Variants in PIK3C3 observed in about 807,000 individuals in gnomAD.
PIK3C3 encodes the protein phosphatidylinositol 3-kinase catalytic subunit type 3, also known as PI3-kinase type 3.
PIK3C3 carries 95 observed loss-of-function variants against 126.1 expected under a neutral mutation model. The ratio of observed to expected loss-of-function variants is 0.75; its 90% CI spans 0.64 to 0.89. The LOEUF is 0.89. Among genes scored for constraint, PIK3C3 ranks in the 40% least tolerant of loss-of-function variants. The probability of loss-of-function intolerance (pLI) is 0.00; values close to 1 mark genes in which losing one functional copy is unlikely to be tolerated. For synonymous variants in PIK3C3, 374 were observed against 360.0 expected (o/e 1.04, Z -0.44); for missense variants, 829 against 1,063.2 (o/e 0.78, Z 3.06).
chr18:41,989,816 T>C (rs972243604), intron 5 of PIK3C3, among the ~76,000 whole-genome samples: 1 of 152,224 alleles, frequency 6.6e-6, no homozygotes, highest in Admixed American at 6.5e-5. Flanking sequence ...GTGACCATGT[T>C]TGCTTTTTTA....
At chr18:41,975,883 G>A (rs1980897058) in intron 4 of PIK3C3, among the ~76,000 whole-genome samples, 1 of 152,034 alleles carries the variant, frequency 6.6e-6, no homozygotes, top group South Asian at 2.1e-4. Context: ...TGTATTTTTA[G>A]TAGAAATGGG....
Position 42,031,545 on chromosome 18 carries a change from C to T in PIK3C3, c.1707+2104C>T, listed in dbSNP as rs1864927765. On this transcript the variant is annotated intron_variant, in intron 15 of 24. Coordinates refer to ENST00000262039, the MANE Select transcript of PIK3C3 (RefSeq NM_002647.4). The stretch of plus-strand genomic sequence containing the variant: ...CTTCAAGCAATTAACCTGCCTCAGC[C>T]TCCCAGGCAGCTGGGACTGCAGGCG... Among the ~76,000 whole-genome samples the T allele has an allele frequency of 2.0e-5, 3 of 152,134 alleles. No homozygotes were observed. In the South Asian group the frequency reaches 6.2e-4, roughly 32 times the overall value.
At chr18:42,063,673 G>C (rs1240709366) in intron 22 of PIK3C3, among the ~76,000 whole-genome samples, 1 of 152,120 alleles carries the variant, frequency 6.6e-6, no homozygotes, top group South Asian at 2.1e-4. Flanking sequence ...TTCTATAAAA[G>C]TTCCATTATC....
intron 10 of PIK3C3, among the ~76,000 whole-genome samples, chr18:42,011,143 T>C (rs898426986): frequency 6.6e-6 from 1 of 152,200 alleles, no homozygotes; most frequent in Admixed American, 6.5e-5. Flanking sequence ...GCAATGTAGA[T>C]GTAGCGTAAT....
chr18:42,014,844 A>G (rs1982997176), intron 11 of PIK3C3, among the ~76,000 whole-genome samples: 1 of 152,052 alleles, frequency 6.6e-6, no homozygotes, highest in Admixed American at 6.5e-5. Flanking sequence ...GAGGAAAATA[A>G]TTTTTCTTTC....
chr18:42,061,061 T>A (rs1159995631), intron 22 of PIK3C3, among the ~76,000 whole-genome samples: 1 of 152,182 alleles, frequency 6.6e-6, no homozygotes, highest in Non-Finnish European at 1.5e-5. Flanking sequence ...ATAAAGGTTT[T>A]TCCTGAAAAA....
At chr18:41,979,606 T>A (rs932946909) in intron 4 of PIK3C3, among the ~76,000 whole-genome samples, 2 of 152,160 alleles carry the variant, frequency 1.3e-5, no homozygotes, top group Non-Finnish European at 2.9e-5. Flanking sequence ...CATTAAAGTA[T>A]CCAAGGAGGA....
At chr18:42,002,104 A>ATAAAACATCATAAAACAT (rs1568130268) in intron 9 of PIK3C3, among the ~76,000 whole-genome samples, 10 of 152,220 alleles carry the variant, frequency 6.6e-5, no homozygotes, top group African/African-American at 2.4e-4. Context: ...CATTTAAATG[A>ATAAAACATCATAAAACAT]CAGTAGTAAA....
intron 4 of PIK3C3, among the ~76,000 whole-genome samples, chr18:41,974,503 T>A (rs1042315985): frequency 2.6e-5 from 4 of 152,126 alleles, no homozygotes; most frequent in Non-Finnish European, 5.9e-5. Flanking sequence ...TTTCTTAGAC[T>A]TCTAGTAGGG....
Position 42,076,821 on chromosome 18 carries a change from G to T in PIK3C3, c.2650-4302G>T, listed in dbSNP as rs1030657000. Among the ~76,000 whole-genome samples, 3 of 152,242 alleles carry T rather than the reference G, an allele frequency of 2.0e-5. No homozygotes were observed. In the East Asian group the frequency reaches 5.8e-4, roughly 29 times the overall value. On this transcript the variant is annotated intron_variant, in intron 24 of 24. Transcript: ENST00000262039. ...ATCCTTGATAGGGTTTGCCATGTTT[G>T]CTTCATTAACTGCTTTTAGTAAGGT...
intron 4 of PIK3C3, among the ~76,000 whole-genome samples, chr18:41,981,142 G>A (rs149831328): frequency 7.9e-5 from 12 of 152,180 alleles, no homozygotes; most frequent in African/African-American, 1.9e-4. Context: ...TATAACAAGC[G>A]TTTGGGAATA....
intron 18 of PIK3C3, among the ~76,000 whole-genome samples, chr18:42,039,666 T>G (rs1371792268): frequency 6.6e-6 from 1 of 152,212 alleles, no homozygotes; most frequent in Non-Finnish European, 1.5e-5. Context: ...CCTATTAATT[T>G]TATTATCCTT....
intron 10 of PIK3C3, among the ~76,000 whole-genome samples, chr18:42,007,771 G>A (rs1982621754): frequency 6.6e-6 from 1 of 152,136 alleles, no homozygotes; most frequent in South Asian, 2.1e-4. Context: ...TAGCATTATG[G>A]TAGCTGAAAA....
chr18:42,017,556 A>G (rs1169560410), intron 12 of PIK3C3, among the ~76,000 whole-genome samples: 3 of 152,094 alleles, frequency 2.0e-5, no homozygotes, highest in Admixed American at 1.3e-4. Context: ...CCCCTGTATG[A>G]TGGTAGAATT....
chr18:41,960,750 CTTTTTTT>C (rs796506046), intron 2 of PIK3C3, among the ~76,000 whole-genome samples: 1 of 145,620 alleles, frequency 6.9e-6, no homozygotes, highest in Non-Finnish European at 1.5e-5. Context: ...TTTCTTTTTT[CTTTTTTT>C]TTTTGAGATG....
At chr18:41,976,369 A>C (rs925435789) in intron 4 of PIK3C3, among the ~76,000 whole-genome samples, 31 of 152,020 alleles carry the variant, frequency 2.0e-4, no homozygotes, top group Admixed American at 2.0e-4. Flanking sequence ...AAGACCAAAA[A>C]AAAAAAAAAT....
At chr18:42,024,477 C>T (rs1202104311) in intron 13 of PIK3C3, among the ~76,000 whole-genome samples, 6 of 151,656 alleles carry the variant, frequency 4.0e-5, no homozygotes, top group African/African-American at 1.5e-4. Context: ...TTCTTGTTGC[C>T]CAGGCTGGAG....
rs1986317921 is a variant in PIK3C3, at chr18:42,083,403, C to T, written c.*2266C>T. 6.6e-6 allele frequency: 1 copy of T among 152,094 alleles called. No homozygotes were observed. The highest frequency in any genetic ancestry group is 6.5e-5 in the Admixed American group (1 of 15,274). 9.4% of individuals were successfully genotyped at this position (152,094 alleles called of 1,614,324 possible). A position where few individuals can be genotyped will look rare whatever the true frequency, so the allele number is the denominator to read the frequency against. The stretch of plus-strand genomic sequence containing the variant: ...TGAGTACTATGGTCATTAAGTTATT[C>T]AGAGTGAGATTTCTGAGAGGAGAAG... On this transcript the variant is annotated 3_prime_UTR_variant, in exon 25 of 25. Coordinates refer to ENST00000262039, the MANE Select transcript of PIK3C3 (RefSeq NM_002647.4).
At chr18:42,065,065 C>A (rs1985480122) in intron 23 of PIK3C3, among the ~76,000 whole-genome samples, 1 of 152,156 alleles carries the variant, frequency 6.6e-6, no homozygotes. Flanking sequence ...GAGTTTTCAG[C>A]TATTGTCCAT....
Sources: allele counts gnomAD v4.1 joint callset (sites outside exome capture counted in the v4.1 genomes callset), GRCh38; gene constraint gnomAD v4.1.1; transcripts MANE v1.5; gene names NCBI Gene and HGNC (gene_info 2026-07-23, HGNC 2026-07-21).